Variants in TMTC1 observed in about 807,000 individuals in gnomAD.
The protein encoded by TMTC1 is transmembrane O-mannosyltransferase targeting cadherins 1.
A neutral mutation model predicts 104.8 loss-of-function variants in TMTC1; 73 were observed. The ratio of observed to expected loss-of-function variants is 0.70; its 90% CI spans 0.58 to 0.85. TMTC1 has a LOEUF of 0.85. TMTC1 is among the 40% of genes least tolerant of loss of function. The probability of loss-of-function intolerance (pLI) is 0.00; values close to 1 mark genes in which losing one functional copy is unlikely to be tolerated. For synonymous variants in TMTC1, 434 were observed against 428.7 expected (o/e 1.01, Z -0.15); for missense variants, 1,035 against 1,096.1 (o/e 0.94, Z 0.79).
intron 10 of TMTC1, among the ~76,000 whole-genome samples, chr12:29,543,898 CG>C (rs1488991597): frequency 6.6e-6 from 1 of 152,090 alleles, no homozygotes; most frequent in Non-Finnish European, 1.5e-5. Context: ...ACAGAAGCCA[CG>C]TGGAACTGTG....
intron 10 of TMTC1, among the ~76,000 whole-genome samples, chr12:29,545,168 G>C (rs988875029): frequency 2.2e-4 from 34 of 152,142 alleles, no homozygotes; most frequent in African/African-American, 7.9e-4. Context: ...AGCAGAGGCA[G>C]GATGCTATTA....
At chr12:29,535,696 G>C (rs1944622888) in intron 11 of TMTC1, 1 of 155,108 alleles carries the variant, frequency 6.4e-6, no homozygotes, top group Admixed American at 6.5e-5. Flanking sequence ...TCTGAAAACT[G>C]GTATCAAATC....
chr12:29,612,027 A>G (rs1412879822), intron 6 of TMTC1, among the ~76,000 whole-genome samples: 1 of 152,184 alleles, frequency 6.6e-6, no homozygotes, highest in African/African-American at 2.4e-5. Flanking sequence ...AGTTGATCCA[A>G]TCAGTAAGAA....
At chr12:29,656,319 G>GAGATATAT (rs71444334) in intron 5 of TMTC1, among the ~76,000 whole-genome samples, 5 of 139,374 alleles carry the variant, frequency 3.6e-5, no homozygotes, top group African/African-American at 5.4e-5. Flanking sequence ...AATTTCCCTG[G>GAGATATAT]ATATATATAT....
chr12:29,559,398 C>G (rs79932031), intron 9 of TMTC1, among the ~76,000 whole-genome samples: 7,399 of 152,260 alleles, frequency 0.049, 607 homozygotes, highest in African/African-American at 0.17. Flanking sequence ...AATGAACAGC[C>G]ATGTATTTCA....
chr12:29,718,990 G>T (rs143946624), intron 5 of TMTC1, among the ~76,000 whole-genome samples: 4 of 150,672 alleles, frequency 2.7e-5, no homozygotes, highest in Admixed American at 2.6e-4. Flanking sequence ...CAGTAAACCT[G>T]TAGATAAATA....
intron 2 of TMTC1, among the ~76,000 whole-genome samples, chr12:29,764,820 T>C (rs1943427240): frequency 6.6e-6 from 1 of 152,178 alleles, no homozygotes; most frequent in South Asian, 2.1e-4. Context: ...AAAAGCTCGC[T>C]GCAACTTTTT....
In TMTC1 at chr12:29,574,175, C is replaced by T. The variant is rs1945758802; in HGVS notation, c.1419-1957G>A. The stretch of plus-strand genomic sequence containing the variant: ...TCTTTGGAGAATAGCCCTGCATGTT[C>T]ATGTCGATTCAGTTTTTTCCTTCCT... On this transcript the variant is annotated intron_variant, in intron 8 of 17. Transcript: ENST00000539277. Among the ~76,000 whole-genome samples, 7 of 152,138 alleles carry T rather than the reference C, an allele frequency of 4.6e-5. No individual in the cohort carries two copies. The South Asian group carries it at 1.5e-3, about 32-fold the overall frequency.
intron 9 of TMTC1, 46 bp downstream of exon 9, chr12:29,572,059 G>C: frequency 2.1e-6 from 3 of 1,459,184 alleles, no homozygotes; most frequent in Non-Finnish European, 1.9e-6. Context: ...AATAAACAAC[G>C]GTCTTTAAAG....
intron 7 of TMTC1, among the ~76,000 whole-genome samples, chr12:29,584,604 C>T (rs1055631440): frequency 3.3e-5 from 5 of 152,012 alleles, no homozygotes; most frequent in Non-Finnish European, 5.9e-5. Flanking sequence ...TCCCCGACCC[C>T]ACAACAGTCC....
At chr12:29,574,797 T>C (rs556063324) in intron 8 of TMTC1, among the ~76,000 whole-genome samples, 17 of 152,312 alleles carry the variant, frequency 1.1e-4, no homozygotes, top group African/African-American at 3.8e-4. Context: ...TATATCCAGA[T>C]ACAGTGAAAC....
intron 5 of TMTC1, among the ~76,000 whole-genome samples, chr12:29,710,920 TATATAAATATATTAATAATATATAA>T (rs1285479456): frequency 2.3e-3 from 66 of 28,672 alleles, no homozygotes; most frequent in East Asian, 7.1e-3. Context: ...TATATAAATA[TATATAAATATATTAATAATATATAA>T]ATATATATAT....
intron 5 of TMTC1, among the ~76,000 whole-genome samples, chr12:29,634,194 C>G (rs147273890): frequency 6.6e-6 from 1 of 152,106 alleles, no homozygotes; most frequent in Admixed American, 6.5e-5. Flanking sequence ...TTACAACATG[C>G]CCCCAACCTC....
At chr12:29,556,362 A>G (rs1003960573) in intron 10 of TMTC1, among the ~76,000 whole-genome samples, 1 of 152,230 alleles carries the variant, frequency 6.6e-6, no homozygotes, top group Non-Finnish European at 1.5e-5. Context: ...GGGTAGAAGT[A>G]TGGTTAACCA....
intron 5 of TMTC1, among the ~76,000 whole-genome samples, chr12:29,642,834 A>C (rs1415820650): frequency 6.6e-6 from 1 of 151,908 alleles, no homozygotes; most frequent in Non-Finnish European, 1.5e-5. Flanking sequence ...CTGAGGCAGG[A>C]GAATGGCGTG....
At chr12:29,673,744 C>CTTTTTTTTTTTTTTTTTTTTTTTTT (rs146463669) in intron 5 of TMTC1, among the ~76,000 whole-genome samples, 6 of 95,736 alleles carry the variant, frequency 6.3e-5, no homozygotes, top group Admixed American at 1.5e-4. Flanking sequence ...AGAGGGACTT[C>CTTTTTTTTTTTTTTTTTTTTTTTTT]TTTTTTTTTT....
chr12:29,541,104 A>G (rs932001273), intron 10 of TMTC1, among the ~76,000 whole-genome samples: 24 of 152,208 alleles, frequency 1.6e-4, no homozygotes, highest in African/African-American at 5.8e-4. Flanking sequence ...AAAATTTGAC[A>G]AAAGGTGACA....
intron 5 of TMTC1, among the ~76,000 whole-genome samples, chr12:29,666,909 C>T (rs184903416): frequency 5.9e-5 from 9 of 152,084 alleles, no homozygotes; most frequent in South Asian, 2.1e-4. Context: ...GCTCTTTCAA[C>T]GCAAAAAGGA....
At chr12:29,575,322 T>G (rs1945791900) in intron 8 of TMTC1, among the ~76,000 whole-genome samples, 1 of 152,110 alleles carries the variant, frequency 6.6e-6, no homozygotes, top group African/African-American at 2.4e-5. Flanking sequence ...GAACCTAGTT[T>G]CTGGGCAGTT....
Sources: gnomAD v4.1 joint callset for allele counts (sites outside exome capture counted in the v4.1 genomes callset) on GRCh38, gnomAD v4.1.1 for gene constraint, MANE v1.5 for transcripts, NCBI Gene and HGNC (gene_info 2026-07-23, HGNC 2026-07-21) for gene names.